The following PLCG2 variants were observed in gnomAD, a reference collection of about 807,000 sequenced individuals.
PLCG2 encodes 1-phosphatidylinositol 4,5-bisphosphate phosphodiesterase gamma-2.
In PLCG2, 69 loss-of-function variants were observed where a neutral mutation model predicts 175.6. That is an observed-to-expected ratio of 0.39 (90% CI 0.32 to 0.48). The LOEUF is 0.48. PLCG2 is among the 20% of genes least tolerant of loss of function. The pLI, the probability that PLCG2 is intolerant of heterozygous loss-of-function variation, is 0.91. For synonymous variants in PLCG2, 827 were observed against 624.0 expected, an observed-to-expected ratio of 1.33 and a Z score of -4.85; for missense variants, 1,798 against 1,650.9, an observed-to-expected ratio of 1.09 and a Z score of -1.54.
chr16:81,776,083 C>CTTTCTTTCTTTCTTGCTTGCTTGCTT, upstream of PLCG2, among the ~76,000 whole-genome samples: 1 of 81,848 alleles, frequency 1.2e-5, no homozygotes, highest in Non-Finnish European at 2.7e-5. Flanking sequence ...TTCTCTCTCT[C>CTTTCTTTCTTTCTTGCTTGCTTGCTT]TCTCTCTTTC....
intron 2 of PLCG2, among the ~76,000 whole-genome samples, chr16:81,789,223 A>T (rs1012133230): frequency 1.3e-5 from 2 of 152,244 alleles, no homozygotes; most frequent in Non-Finnish European, 2.9e-5. Flanking sequence ...TTTTGGCTTG[A>T]AATCTATGCC....
chr16:81,777,585 C>T (rs769364558), upstream of PLCG2, among the ~76,000 whole-genome samples: 1 of 152,002 alleles, frequency 6.6e-6, no homozygotes, highest in Non-Finnish European at 1.5e-5. Flanking sequence ...GTTAAGTGAT[C>T]TGTGGTGATG....
At chr16:81,742,518 CTT>C (rs1909618064) in intron 1 of PLCG2, among the ~76,000 whole-genome samples, 1 of 152,164 alleles carries the variant, frequency 6.6e-6, no homozygotes, top group African/African-American at 2.4e-5. Flanking sequence ...TTGGCAGAGT[CTT>C]AGTCCAGCCA....
chr16:81,897,832 A>T (rs925944242), intron 13 of PLCG2: 1 of 455,770 alleles, frequency 2.2e-6, no homozygotes, highest in African/African-American at 2.0e-5. Flanking sequence ...GGCATGAGCC[A>T]CCGTGCCCAA....
chr16:81,948,697 G>T (rs1267229555), intron 31 of PLCG2, among the ~76,000 whole-genome samples: 1 of 152,164 alleles, frequency 6.6e-6, no homozygotes, highest in Non-Finnish European at 1.5e-5. Context: ...GGGAGACCTG[G>T]AGGGACACAA....
At chr16:81,928,737 G>A in intron 24 of PLCG2, 113 bp downstream of exon 24, 2 of 724,786 alleles carry the variant, frequency 2.8e-6, no homozygotes, top group Non-Finnish European at 5.1e-6. Flanking sequence ...TTGAATGCCA[G>A]CTCCTTCCCT....
intron 5 of PLCG2, among the ~76,000 whole-genome samples, chr16:81,863,747 C>T (rs1466487867): frequency 4.6e-5 from 7 of 152,384 alleles, no homozygotes; most frequent in Admixed American, 3.9e-4. Flanking sequence ...CTCCTCTGCC[C>T]TTGCCCCCTT....
At chr16:81,948,406 A>ACC (rs140825090) in intron 31 of PLCG2, among the ~76,000 whole-genome samples, 3,357 of 152,200 alleles carry the variant, frequency 0.022, 58 homozygotes, top group Middle Eastern at 0.037. Context: ...ATTTGAGAAA[A>ACC]CTGGCTGCCC....
chr16:81,744,091 C>G (rs1324884954), intron 1 of PLCG2, among the ~76,000 whole-genome samples: 2 of 151,782 alleles, frequency 1.3e-5, no homozygotes, highest in African/African-American at 2.4e-5. Context: ...AACTCCTGAC[C>G]TCGTAATCCA....
At chr16:81,933,364 ACT>A (rs1433359029) in intron 25 of PLCG2, among the ~76,000 whole-genome samples, 1 of 151,920 alleles carries the variant, frequency 6.6e-6, no homozygotes, top group Admixed American at 6.6e-5. Context: ...CGGCGGATAA[ACT>A]CTTTGTCACT....
chr16:81,832,348 C>T (rs1192448092), intron 2 of PLCG2, among the ~76,000 whole-genome samples: 1 of 152,148 alleles, frequency 6.6e-6, no homozygotes, highest in Admixed American at 6.6e-5. Context: ...GTGAATATTC[C>T]CTAATGCATG....
At chr16:81,816,088 C>T (rs4889401) in intron 2 of PLCG2, among the ~76,000 whole-genome samples, 150,341 of 151,092 alleles carry the variant, frequency 1, 74,798 homozygotes, top group East Asian at 1. Flanking sequence ...TGTGCCTTCA[C>T]GGACAGGCAC....
upstream of PLCG2, among the ~76,000 whole-genome samples, chr16:81,778,045 A>AACAAACACACAAAC (rs746647458): frequency 1.3e-5 from 1 of 77,906 alleles, no homozygotes; most frequent in Non-Finnish European, 2.5e-5. Context: ...AAAAAAAACA[A>AACAAACACACAAAC]AAAAAAAAAC....
chr16:81,953,948 GC>G (rs1364584381), intron 31 of PLCG2, among the ~76,000 whole-genome samples: 1 of 152,128 alleles, frequency 6.6e-6, no homozygotes, highest in Non-Finnish European at 1.5e-5. Flanking sequence ...AACAACAGAA[GC>G]CATTTTCTTC....
intron 19 of PLCG2, among the ~76,000 whole-genome samples, chr16:81,916,643 A>G (rs917055269): frequency 6.6e-6 from 1 of 151,806 alleles, no homozygotes; most frequent in African/African-American, 2.4e-5. Context: ...AATACAGGAC[A>G]TATTTTTTTT....
At chr16:81,751,938 C>T (rs2143067265) in intron 1 of PLCG2, among the ~76,000 whole-genome samples, 1 of 152,154 alleles carries the variant, frequency 6.6e-6, no homozygotes, top group South Asian at 2.1e-4. Context: ...GGGAGATTTG[C>T]TTGAGCCTGG....
chr16:81,848,348 C>T (rs954428784), intron 2 of PLCG2, among the ~76,000 whole-genome samples: 1 of 152,148 alleles, frequency 6.6e-6, no homozygotes, highest in South Asian at 2.1e-4. Flanking sequence ...GCAGCTCTTT[C>T]CTGGGGCAGG....
Position 81,915,399 on chromosome 16 carries a change from G to T in PLCG2, c.2054+2683G>T, listed in dbSNP as rs545650785. Among the ~76,000 whole-genome samples, 5 of 152,326 alleles carry T rather than the reference G, an allele frequency of 3.3e-5. No individual in the cohort carries two copies. The South Asian group carries it at 1.0e-3, about 32-fold the overall frequency. Reference sequence around the variant, plus strand: ...CAAAGGAAGTGTTGAGTTGTTGCCCGGCTGTGATTGGTGGAAGGCATCTCT... The same window carrying T: ...CAAAGGAAGTGTTGAGTTGTTGCCCTGCTGTGATTGGTGGAAGGCATCTCT... On this transcript the variant is annotated intron_variant, in intron 19 of 32. Transcript: ENST00000564138.
intron 7 of PLCG2, among the ~76,000 whole-genome samples, chr16:81,874,392 T>G (rs1907666584): frequency 6.6e-6 from 1 of 152,238 alleles, no homozygotes; most frequent in Non-Finnish European, 1.5e-5. Flanking sequence ...GTTTGGTCAC[T>G]GCATTTTAAA....
Sources: allele counts gnomAD v4.1 joint callset (sites outside exome capture counted in the v4.1 genomes callset), GRCh38; gene constraint gnomAD v4.1.1; transcripts MANE v1.5; gene names NCBI Gene and HGNC (gene_info 2026-07-23, HGNC 2026-07-21).